The following SLC30A7 variants were observed in gnomAD, a reference collection of about 807,000 sequenced individuals.
SLC30A7 encodes the protein solute carrier family 30 member 7, also known as zinc transporter 7.
In SLC30A7, 35 loss-of-function variants were observed where a neutral mutation model predicts 46.0. The ratio of observed to expected loss-of-function variants is 0.76; its 90% CI spans 0.58 to 1.01. The LOEUF (loss-of-function observed/expected upper bound fraction) is 1.01, where lower values mean the gene tolerates loss of function less well. Ranked by LOEUF, SLC30A7 falls within the 50% of genes least tolerant of loss-of-function variation. The probability of loss-of-function intolerance (pLI) is 0.00; values close to 1 mark genes in which losing one functional copy is unlikely to be tolerated. For synonymous variants in SLC30A7, 147 were observed against 157.8 expected (o/e 0.93, Z 0.51); for missense variants, 464 against 451.1 (o/e 1.03, Z -0.26).
At chr1:100,928,989 GACA>G (rs1023482332) in intron 8 of SLC30A7, among the ~76,000 whole-genome samples, 5 of 152,092 alleles carry the variant, frequency 3.3e-5, no homozygotes, top group African/African-American at 9.7e-5. Context: ...GGTAATAAAT[GACA>G]ACAAGGTACA....
intron 4 of SLC30A7, among the ~76,000 whole-genome samples, chr1:100,911,600 G>C (rs1652098886): frequency 6.6e-6 from 1 of 152,100 alleles, no homozygotes; most frequent in Admixed American, 6.6e-5. Flanking sequence ...GCCCAAGCTG[G>C]AGTGCAGTGG....
intron 7 of SLC30A7, among the ~76,000 whole-genome samples, chr1:100,919,774 A>G (rs1652826655): frequency 6.6e-6 from 1 of 152,164 alleles, no homozygotes; most frequent in Non-Finnish European, 1.5e-5. Flanking sequence ...GAGCCCAGTA[A>G]ATAGCTGAAG....
At chr1:100,911,512 T>G (rs922483588) in intron 4 of SLC30A7, among the ~76,000 whole-genome samples, 9 of 152,124 alleles carry the variant, frequency 5.9e-5, no homozygotes, top group Admixed American at 2.0e-4. Context: ...ACTTAAAGAT[T>G]AGTGAACTTA....
Position 100,911,151 on chromosome 1 carries a change from G to A in SLC30A7, c.384+1G>A, listed in dbSNP as rs1652066617. The A allele has an allele frequency of 2.5e-6, 4 of 1,582,108 alleles. No individual in the cohort carries two copies. Among genetic ancestry groups the A allele is most frequent in the Non-Finnish European group, 3.5e-6 (4 of 1,155,650 alleles). On this transcript the variant is annotated splice_donor_variant, in intron 4 of 10. Transcript: ENST00000357650. LOFTEE classifies it high-confidence loss of function. ...TTTTATTTTCTCAGAAGGAGTTGAG[G>A]TATAGTAGATAATTATTAAAGTCAG...
chr1:100,938,604 T>C (rs1002485428), intron 8 of SLC30A7, among the ~76,000 whole-genome samples: 6 of 152,196 alleles, frequency 3.9e-5, no homozygotes, highest in Admixed American at 3.3e-4. Context: ...CTGTTCAGGG[T>C]CTCACAGGAC....
At position 100,948,064 on chromosome 1, in the gene SLC30A7, G is replaced by A. The variant is rs1302499245; in HGVS notation, c.843-13764G>A. ...CCCATTTACATTTAAGGTTAATATT[G>A]TTATGTGTGAATTTGATCCTGTCAT... On this transcript the variant is annotated intron_variant, in intron 8 of 10. Coordinates refer to ENST00000357650, the MANE Select transcript of SLC30A7 (RefSeq NM_133496.5). Among the ~76,000 whole-genome samples, 4 of 152,042 alleles carry A rather than the reference G, an allele frequency of 2.6e-5. No homozygotes were observed. The East Asian group carries it at 7.7e-4, about 29-fold the overall frequency.
chr1:100,950,883 C>A (rs1558000722), intron 8 of SLC30A7, among the ~76,000 whole-genome samples: 2 of 152,228 alleles, frequency 1.3e-5, no homozygotes, highest in East Asian at 3.9e-4. Flanking sequence ...CTAACAAACA[C>A]CTGTAGAGGA....
In SLC30A7 at chr1:100,972,877, G is replaced by A. The variant is rs1408834496; in HGVS notation, c.1084-1933G>A. 3.3e-5 allele frequency among the ~76,000 whole-genome samples: 5 copies of A among 152,070 alleles called. No individual in the cohort carries two copies. The East Asian group carries it at 5.8e-4, about 18-fold the overall frequency. On this transcript the variant is annotated intron_variant, in intron 10 of 10. Transcript: ENST00000357650. ...GTAACAATTGTGTGAGATTAGTAGG[G>A]CTGGTGTTTATCAATGCTTTTAAAA... is the stretch of plus-strand genomic sequence containing the variant.
chr1:100,932,405 ACT>A (rs2101046822), intron 8 of SLC30A7, among the ~76,000 whole-genome samples: 1 of 152,174 alleles, frequency 6.6e-6, no homozygotes, highest in Admixed American at 6.5e-5. Flanking sequence ...ACAGAGCAAG[ACT>A]CTGTCTCAAA....
intron 8 of SLC30A7, among the ~76,000 whole-genome samples, chr1:100,932,416 AAAAT>A (rs560031431): frequency 1.3e-5 from 2 of 152,280 alleles, no homozygotes; most frequent in South Asian, 2.1e-4. Context: ...CTCTGTCTCA[AAAAT>A]AAATAAATAA....
chr1:100,922,454 A>C (rs1653009259), intron 8 of SLC30A7, among the ~76,000 whole-genome samples: 1 of 152,216 alleles, frequency 6.6e-6, no homozygotes, highest in Admixed American at 6.5e-5. Flanking sequence ...CACTATAGTT[A>C]GTGTATTAAT....
At chr1:100,971,306 CT>C (rs1229133251) in intron 10 of SLC30A7, among the ~76,000 whole-genome samples, 3 of 150,994 alleles carry the variant, frequency 2.0e-5, no homozygotes, top group Admixed American at 1.3e-4. Flanking sequence ...TCCACCTTTC[CT>C]TTTTTTTTCT....
At chr1:100,917,988 A>C in intron 6 of SLC30A7, 89 bp from the exon 7 acceptor site, 1 of 992,068 alleles carries the variant, frequency 1.0e-6, no homozygotes. Context: ...TGCATTCTTG[A>C]TGATGCATTT....
At chr1:100,918,192 GT>G in intron 7 of SLC30A7, 65 bp downstream of exon 7, 1 of 1,327,544 alleles carries the variant, frequency 7.5e-7, no homozygotes, top group Admixed American at 1.8e-5. Context: ...TGAAGTTTTA[GT>G]TGTCTGAAGT....
At chr1:100,990,159 G>A in the SLC30A7 span, 2 of 480,648 alleles carry the variant, frequency 4.2e-6, no homozygotes, top group Non-Finnish European at 7.5e-6. Context: ...CCTCTTCACA[G>A]GGCGGCAAGA....
At chr1:100,957,169 G>A (rs187413032) in intron 8 of SLC30A7, among the ~76,000 whole-genome samples, 99 of 152,276 alleles carry the variant, frequency 6.5e-4, no homozygotes, top group Admixed American at 1.8e-3. Flanking sequence ...CCTTAAACAA[G>A]TTACTTTGGT....
the SLC30A7 span, among the ~76,000 whole-genome samples, chr1:100,988,750 T>A: frequency 6.6e-6 from 1 of 152,130 alleles, no homozygotes; most frequent in South Asian, 2.1e-4. Context: ...CTCGGGAGGC[T>A]GAGGCAGGAT....
At chr1:100,958,618 T>C (rs1655367464) in intron 8 of SLC30A7, among the ~76,000 whole-genome samples, 1 of 152,258 alleles carries the variant, frequency 6.6e-6, no homozygotes, top group Non-Finnish European at 1.5e-5. Flanking sequence ...CTTTCTTTTC[T>C]TAACTGCTAA....
intron 8 of SLC30A7, chr1:100,941,895 CTCCTCAGATCT>C (rs139769427): frequency 0.012 from 4,457 of 361,170 alleles, 147 homozygotes; most frequent in African/African-American, 0.075. Context: ...CTCGGAATGG[CTCCTCAGATCT>C]TCCTCAGCTT....
Sources: gnomAD v4.1 joint callset for allele counts (sites outside exome capture counted in the v4.1 genomes callset) on GRCh38, gnomAD v4.1.1 for gene constraint, MANE v1.5 for transcripts, NCBI Gene and HGNC (gene_info 2026-07-23, HGNC 2026-07-21) for gene names.